RNPS1: variants seen among roughly 807,000 people sequenced by gnomAD.
The protein encoded by RNPS1 is RNA-binding protein with serine-rich domain 1.
For synonymous variants in RNPS1, 147 were observed against 150.0 expected (o/e 0.98, Z 0.15); for missense variants, 300 against 427.6 (o/e 0.70, Z 2.63).
intron 3 of RNPS1, 106 bp downstream of exon 3, chr16:2,264,070 G>T: frequency 2.2e-6 from 3 of 1,348,104 alleles, no homozygotes; most frequent in Non-Finnish European, 3.1e-6. Context: ...AACAATCAGA[G>T]GATGTGTTTT....
intron 2 of RNPS1, 53 bp from the exon 3 acceptor site, chr16:2,264,384 C>T: frequency 6.2e-7 from 1 of 1,611,208 alleles, no homozygotes; most frequent in Non-Finnish European, 8.5e-7. Flanking sequence ...CAAACCCAAA[C>T]AGCACAACCC....
At chr16:2,264,404 G>A in intron 2 of RNPS1, 73 bp from the exon 3 acceptor site, 2 of 1,603,080 alleles carry the variant, frequency 1.2e-6, no homozygotes, top group East Asian at 2.2e-5. Flanking sequence ...CAAAACGGGG[G>A]ATCAGCATCA....
rs1016922212 is a variant in RNPS1 at position 2,253,767 on chromosome 16, C to T, written c.*197G>A. Reference sequence around the variant, plus strand: ...TTCTAGCCAGAAAACCGGAGGGAATCTTGACAGGCACACAGCATCCAAACC... The same window carrying T: ...TTCTAGCCAGAAAACCGGAGGGAATTTTGACAGGCACACAGCATCCAAACC... On this transcript the variant is annotated 3_prime_UTR_variant, in exon 8 of 8. Coordinates refer to ENST00000320225, the MANE Select transcript of RNPS1 (RefSeq NM_080594.4). The T allele has an allele frequency of 1.4e-6, 1 of 689,744 alleles. No individual in the cohort carries two copies. The highest frequency in any genetic ancestry group is 1.5e-5 in the South Asian group (1 of 64,560). 42.7% of individuals were successfully genotyped at this position (689,744 alleles called of 1,614,324 possible). A position where few individuals can be genotyped will look rare whatever the true frequency, so the allele number is the denominator to read the frequency against.
At chr16:2,262,959 C>G (rs2093609255) in intron 4 of RNPS1, 117 bp from the exon 5 acceptor site, 1 of 1,302,344 alleles carries the variant, frequency 7.7e-7, no homozygotes, top group Non-Finnish European at 1.1e-6. Context: ...GACTTTCCTG[C>G]TAGTTCACAT....
intron 7 of RNPS1, 109 bp downstream of exon 7, chr16:2,255,476 G>C: frequency 7.6e-7 from 1 of 1,320,692 alleles, no homozygotes; most frequent in Non-Finnish European, 1.0e-6. Context: ...CTCTCTGCCA[G>C]CCCGCACAGC....
chr16:2,264,126 G>A (rs763192871), intron 3 of RNPS1, 50 bp downstream of exon 3: 26 of 1,601,538 alleles, frequency 1.6e-5, no homozygotes, highest in African/African-American at 8.0e-5. Context: ...GGGAGTGGGG[G>A]TGTAGCTGTG....
At chr16:2,257,125 G>C (rs1028868910) in intron 6 of RNPS1, 1 of 152,248 alleles carries the variant, frequency 6.6e-6, no homozygotes, top group Admixed American at 6.5e-5. Flanking sequence ...GAGGCAGTGT[G>C]GGATGTGGGC....
intron 7 of RNPS1, among the ~76,000 whole-genome samples, chr16:2,254,579 G>C (rs928246837): frequency 2.7e-5 from 4 of 147,298 alleles, no homozygotes; most frequent in African/African-American, 1.0e-4. Flanking sequence ...TTACAGGCGT[G>C]AGCCACCATG....
In RNPS1 at chr16:2,253,892, T is replaced by C; in HGVS notation, c.*72A>G. 1 of 1,379,656 alleles carries C rather than the reference T, an allele frequency of 7.2e-7. No individual in the cohort carries two copies. The highest frequency in any genetic ancestry group is 1.0e-6 in the Non-Finnish European group (1 of 990,216). The allele number at this position is 1,379,656 out of a possible 1,614,324, so 85.5% of individuals were successfully genotyped here. ...GGGTTTGCTTTCCTACTGGTCTTCC[T>C]TTGGCTAGAAAAGTGACAAAACTGA... On this transcript the variant is annotated 3_prime_UTR_variant, in exon 8 of 8. Transcript: ENST00000320225.
rs2093564901 is a variant in RNPS1, at chr16:2,254,040, G to C, written c.842C>G (p.Ser281Cys). ...RRRSRSPRRR[S>C]PVRRRSRSPG... ...GGACCGTGATCTCCGGCGCACGGGGGACCTGCGCCTCGGGGAGCGGGACCT... is the reference window on the plus strand; with the variant it reads ...GGACCGTGATCTCCGGCGCACGGGGCACCTGCGCCTCGGGGAGCGGGACCT... Residue 281 changes from serine to cysteine, a missense_variant, in exon 8 of 8, where the codon TCC becomes TGC. By Grantham distance (112) the Ser-to-Cys change is moderately radical. Coordinates refer to ENST00000320225, the MANE Select transcript of RNPS1 (RefSeq NM_080594.4). 3 of 1,499,186 alleles carry C rather than the reference G, an allele frequency of 2.0e-6. No homozygotes were observed. The highest frequency in any genetic ancestry group is 2.7e-6 in the Non-Finnish European group (3 of 1,121,224). 92.9% of individuals were successfully genotyped at this position (1,499,186 alleles called of 1,614,324 possible). A position where few individuals can be genotyped will look rare whatever the true frequency, so the allele number is the denominator to read the frequency against.
At chr16:2,262,958 G>A in intron 4 of RNPS1, 116 bp from the exon 5 acceptor site, 2 of 1,298,612 alleles carry the variant, frequency 1.5e-6, no homozygotes, top group South Asian at 1.3e-5. Context: ...AGACTTTCCT[G>A]CTAGTTCACA....
At chr16:2,260,540 G>A (rs1425668805) in intron 6 of RNPS1, among the ~76,000 whole-genome samples, 1 of 152,110 alleles carries the variant, frequency 6.6e-6, no homozygotes. Context: ...TCCCTGTACA[G>A]GGTTTCTAAT....
chr16:2,263,893 T>G (rs1339704983), intron 3 of RNPS1: 1 of 364,408 alleles, frequency 2.7e-6, no homozygotes, highest in Non-Finnish European at 4.9e-6. Context: ...TACAAATTAC[T>G]CTTTTTTTTT....
intron 1 of RNPS1, 170 bp from the exon 2 acceptor site, chr16:2,264,930 T>A: frequency 2.6e-6 from 1 of 382,024 alleles, no homozygotes; most frequent in Non-Finnish European, 4.6e-6. Flanking sequence ...CCTGGAGGCG[T>A]CTCTACCCCG....
At chr16:2,265,160 C>T (rs2093620055) in intron 1 of RNPS1, 1 of 153,140 alleles carries the variant, frequency 6.5e-6, no homozygotes, top group South Asian at 2.0e-4. Flanking sequence ...GATTAGATCT[C>T]CTGTTTTATT....
rs1490957685 is a variant in RNPS1, at chr16:2,255,798, A to G, written c.677-72T>C. The G allele has an allele frequency of 4.0e-6, 6 of 1,493,538 alleles. No homozygotes were observed. The African/African-American group carries it at 8.3e-5, about 21-fold the overall frequency. 92.5% of individuals were successfully genotyped at this position (1,493,538 alleles called of 1,614,324 possible). A position where few individuals can be genotyped will look rare whatever the true frequency, so the allele number is the denominator to read the frequency against. Reference sequence around the variant, plus strand: ...CCTAGACAATGCATGCCACAGTGAAAGACAGGCCTGGGGGGACAATGACAA... The same window carrying G: ...CCTAGACAATGCATGCCACAGTGAAGGACAGGCCTGGGGGGACAATGACAA... On this transcript the variant is annotated intron_variant, in intron 6 of 7. Coordinates refer to ENST00000320225, the MANE Select transcript of RNPS1 (RefSeq NM_080594.4).
intron 6 of RNPS1, among the ~76,000 whole-genome samples, chr16:2,262,038 A>G (rs565287038): frequency 5.3e-5 from 8 of 152,356 alleles, no homozygotes; most frequent in African/African-American, 1.9e-4. Context: ...TTTTCCCTGC[A>G]ACTGGTTGCA....
chr16:2,256,562 A>T (rs1037892033), intron 6 of RNPS1: 1 of 152,490 alleles, frequency 6.6e-6, no homozygotes, highest in East Asian at 1.9e-4. Context: ...GTCTCAAGAA[A>T]AAAAAAAGAA....
intron 1 of RNPS1, 198 bp downstream of exon 1, chr16:2,267,857 C>A (rs1176415585): frequency 1.2e-5 from 18 of 1,516,426 alleles, no homozygotes; most frequent in Admixed American, 8.1e-5. Flanking sequence ...GCGGCCCCGA[C>A]CACTTCCGGG....
Sources: allele counts gnomAD v4.1 joint callset (sites outside exome capture counted in the v4.1 genomes callset), GRCh38; gene constraint gnomAD v4.1.1; transcripts MANE v1.5; gene names NCBI Gene and HGNC (gene_info 2026-07-23, HGNC 2026-07-21).